CLDN10: variants seen among roughly 807,000 people sequenced by gnomAD.
The protein encoded by CLDN10 is claudin-10.
Under a neutral mutation model 22.9 loss-of-function variants are expected in CLDN10, and 15 were observed. The ratio of observed to expected loss-of-function variants is 0.65; its 90% CI spans 0.44 to 1.01. CLDN10 has a LOEUF of 1.01. CLDN10 is among the 50% of genes least tolerant of loss of function. The pLI is 0.00. For missense variants in CLDN10, 247 were observed against 287.8 expected (o/e 0.86, Z 1.03); for synonymous variants, 114 against 111.4 (o/e 1.02, Z -0.15).
chr13:95,446,985 C>T (rs1445282103), intron 1 of CLDN10, among the ~76,000 whole-genome samples: 2 of 152,184 alleles, frequency 1.3e-5, no homozygotes. Flanking sequence ...TAAATCCAGG[C>T]ACAGAGCCGA....
chr13:95,440,669 A>T (rs79586832), intron 1 of CLDN10, among the ~76,000 whole-genome samples: 13,933 of 152,292 alleles, frequency 0.091, 885 homozygotes, highest in South Asian at 0.23. Context: ...TCCAAGAAGC[A>T]TTCGACATGT....
At chr13:95,470,718 C>G (rs568961354) in intron 1 of CLDN10, among the ~76,000 whole-genome samples, 1 of 152,218 alleles carries the variant, frequency 6.6e-6, no homozygotes, top group East Asian at 1.9e-4. Flanking sequence ...CACGTCCTGC[C>G]TATTTCTGTT....
intron 1 of CLDN10, among the ~76,000 whole-genome samples, chr13:95,556,060 T>G (rs2043635184): frequency 6.6e-6 from 1 of 152,018 alleles, no homozygotes; most frequent in Admixed American, 6.5e-5. Flanking sequence ...TTCTTTTTTT[T>G]TTTGAGACAA....
intron 1 of CLDN10, among the ~76,000 whole-genome samples, chr13:95,472,589 A>C (rs1252135292): frequency 6.6e-6 from 1 of 151,344 alleles, no homozygotes; most frequent in African/African-American, 2.4e-5. Context: ...AGAATTGCTT[A>C]AACCCAGGAG....
intron 1 of CLDN10, among the ~76,000 whole-genome samples, chr13:95,540,272 C>T (rs1410708300): frequency 6.6e-6 from 1 of 151,548 alleles, no homozygotes; most frequent in African/African-American, 2.4e-5. Flanking sequence ...TGCACTCCAG[C>T]CTGGGCAACA....
chr13:95,500,279 C>A (rs1013276556), intron 1 of CLDN10, among the ~76,000 whole-genome samples: 2 of 151,390 alleles, frequency 1.3e-5, no homozygotes, highest in Non-Finnish European at 2.9e-5. Flanking sequence ...ATGTTGCATG[C>A]GAGTGAGGCG....
intron 1 of CLDN10, 147 bp from the exon 2 acceptor site, chr13:95,559,985 T>C: frequency 1.3e-6 from 1 of 766,238 alleles, no homozygotes; most frequent in South Asian, 1.9e-5. Flanking sequence ...TTAACTTGCT[T>C]TCCTTTCTTG....
intron 1 of CLDN10, among the ~76,000 whole-genome samples, chr13:95,491,631 G>C (rs567296210): frequency 1.3e-5 from 2 of 152,026 alleles, no homozygotes; most frequent in African/African-American, 4.8e-5. Flanking sequence ...TCCCTGATTA[G>C]CTTAATAACT....
At chr13:95,461,519 G>C (rs537074623) in intron 1 of CLDN10, among the ~76,000 whole-genome samples, 1 of 152,184 alleles carries the variant, frequency 6.6e-6, no homozygotes, top group South Asian at 2.1e-4. Context: ...TCCTACTTTA[G>C]AGAAAGAAGT....
chr13:95,548,277 C>G (rs1292259857), upstream of CLDN10, among the ~76,000 whole-genome samples: 1 of 152,144 alleles, frequency 6.6e-6, no homozygotes, highest in Admixed American at 6.5e-5. Flanking sequence ...CAAACCTTAC[C>G]CCTCCCCTTC....
intron 1 of CLDN10, among the ~76,000 whole-genome samples, chr13:95,472,360 A>T (rs2042641595): frequency 6.6e-6 from 1 of 152,214 alleles, no homozygotes; most frequent in Non-Finnish European, 1.5e-5. Flanking sequence ...GAAACTCATC[A>T]TCAACTCCTT....
intron 1 of CLDN10, chr13:95,479,852 T>C (rs147655041): frequency 1.3e-5 from 2 of 152,166 alleles, no homozygotes; most frequent in East Asian, 3.9e-4. Flanking sequence ...AGTCCAGGGG[T>C]TCTCACCTGC....
intron 1 of CLDN10, among the ~76,000 whole-genome samples, chr13:95,452,820 A>G (rs2042444290): frequency 6.6e-6 from 1 of 152,296 alleles, no homozygotes; most frequent in East Asian, 1.9e-4. Context: ...TTTGACTCAA[A>G]TGGTTAAGAT....
At chr13:95,449,230 A>T (rs1169294663) in intron 1 of CLDN10, among the ~76,000 whole-genome samples, 1 of 151,704 alleles carries the variant, frequency 6.6e-6, no homozygotes, top group South Asian at 2.1e-4. Context: ...AGTGACTTAA[A>T]CTCTGTCTGT....
chr13:95,446,684 A>G (rs1001847001), intron 1 of CLDN10, among the ~76,000 whole-genome samples: 1 of 152,194 alleles, frequency 6.6e-6, no homozygotes, highest in Non-Finnish European at 1.5e-5. Flanking sequence ...TCTACTAAAA[A>G]TACAAAAATT....
intron 1 of CLDN10, among the ~76,000 whole-genome samples, chr13:95,555,248 C>T (rs1466502786): frequency 6.6e-6 from 1 of 152,172 alleles, no homozygotes; most frequent in Admixed American, 6.5e-5. Flanking sequence ...GACAGGGTTT[C>T]ACCATGTTAG....
chr13:95,561,218 GTGTGTGTATTGCTA>G (rs1406724639), intron 3 of CLDN10, among the ~76,000 whole-genome samples: 12 of 152,134 alleles, frequency 7.9e-5, no homozygotes, highest in Admixed American at 2.0e-4. Flanking sequence ...TCACGTACGT[GTGTGTGTATTGCTA>G]TCAATGAGGC....
intron 1 of CLDN10, among the ~76,000 whole-genome samples, chr13:95,434,543 G>GTATATATATATATGCACACATGTGTGTA (rs759022752): frequency 6.7e-6 from 1 of 148,568 alleles, no homozygotes; most frequent in African/African-American, 2.6e-5. Flanking sequence ...GCACACGTGT[G>GTATATATATATATGCACACATGTGTGTA]TATATATATA....
At chr13:95,565,078 G>C (rs1036616695) in intron 3 of CLDN10, among the ~76,000 whole-genome samples, 12 of 150,738 alleles carry the variant, frequency 8.0e-5, no homozygotes, top group Non-Finnish European at 1.6e-4. Context: ...TTCCCTTTAG[G>C]CTGTGTCAAA....
Sources: allele counts gnomAD v4.1 joint callset (sites outside exome capture counted in the v4.1 genomes callset), GRCh38; gene constraint gnomAD v4.1.1; transcripts MANE v1.5; gene names NCBI Gene and HGNC (gene_info 2026-07-23, HGNC 2026-07-21).